Variants in PTPN4 observed in about 807,000 individuals in gnomAD.
The protein encoded by PTPN4 is tyrosine-protein phosphatase non-receptor type 4.
In PTPN4, 49 loss-of-function variants were observed where a neutral mutation model predicts 135.5. The ratio of observed to expected loss-of-function variants is 0.36; its 90% CI spans 0.29 to 0.46. The LOEUF is 0.46. Among genes scored for constraint, PTPN4 ranks in the 20% least tolerant of loss-of-function variants. The pLI is 1.00. For synonymous variants in PTPN4, 333 were observed against 369.9 expected (o/e 0.90, Z 1.14); for missense variants, 860 against 1,101.0 (o/e 0.78, Z 3.10).
In PTPN4 at chr2:119,889,425, G is replaced by GA. The variant is rs757993261; in HGVS notation, c.675+3552dup. 2.7e-3 allele frequency among the ~76,000 whole-genome samples: 400 copies of GA among 150,710 alleles called. 2 individuals carry two copies. Among genetic ancestry groups the GA allele is most frequent in the African/African-American group, 7.9e-3 (324 of 41,190 alleles). On this transcript the variant is annotated intron_variant, in intron 9 of 26. Coordinates refer to ENST00000263708, the MANE Select transcript of PTPN4 (RefSeq NM_002830.4). Reference sequence around the variant, plus strand: ...ACAGAGAGAGACTCTGTCTCAAAAAGAAAAAAAAAGTCTTGATGATCTTTC... The same window carrying GA: ...ACAGAGAGAGACTCTGTCTCAAAAAGAAAAAAAAAAGTCTTGATGATCTTTC...
chr2:119,960,711 T>G, intron 22 of PTPN4, 96 bp from the exon 23 acceptor site: 1 of 1,193,168 alleles, frequency 8.4e-7, no homozygotes, highest in South Asian at 1.7e-5. Context: ...TGAGGTTAGT[T>G]GTATTCACTA....
chr2:119,856,613 A>G (rs1677684948), intron 2 of PTPN4, among the ~76,000 whole-genome samples: 1 of 152,244 alleles, frequency 6.6e-6, no homozygotes, highest in Non-Finnish European at 1.5e-5. Context: ...CACTTAGGAC[A>G]GACCCAACAA....
intron 1 of PTPN4, among the ~76,000 whole-genome samples, chr2:119,775,037 T>G (rs555320275): frequency 2.3e-5 from 3 of 129,532 alleles, no homozygotes; most frequent in African/African-American, 8.8e-5. Flanking sequence ...AAGAAAATCA[T>G]TGAGGAGAAA....
intron 10 of PTPN4, among the ~76,000 whole-genome samples, chr2:119,913,268 G>A (rs1041867655): frequency 1.3e-5 from 2 of 152,040 alleles, no homozygotes; most frequent in Non-Finnish European, 2.9e-5. Flanking sequence ...GTTTTCAAAC[G>A]TGGCTGCATC....
chr2:119,820,901 C>T (rs1396230529), intron 2 of PTPN4, among the ~76,000 whole-genome samples: 1 of 150,344 alleles, frequency 6.7e-6, no homozygotes, highest in Admixed American at 6.6e-5. Context: ...GTATGTAAAG[C>T]TGGACTTGCA....
Position 119,887,950 on chromosome 2 carries a change from G to A in PTPN4, c.675+2068G>A, listed in dbSNP as rs554700587. Among the ~76,000 whole-genome samples, 187 of 152,256 alleles carry A rather than the reference G, an allele frequency of 1.2e-3. 1 individual carries two copies. Among genetic ancestry groups the A allele is most frequent in the Middle Eastern group, 6.8e-3 (2 of 294 alleles). ...ATAGGGATTGCACTGGATCTGTAGAGTGCTCTGGCAATATGGTCATTTTAA... is the reference window on the plus strand; with the variant it reads ...ATAGGGATTGCACTGGATCTGTAGAATGCTCTGGCAATATGGTCATTTTAA... On this transcript the variant is annotated intron_variant, in intron 9 of 26. Transcript: ENST00000263708.
chr2:119,847,315 C>CATATATAT (rs1307603803), intron 2 of PTPN4, among the ~76,000 whole-genome samples: 4 of 94,500 alleles, frequency 4.2e-5, no homozygotes, highest in African/African-American at 1.7e-4. Flanking sequence ...CACACACACA[C>CATATATAT]ATATATATAT....
chr2:119,862,683 T>C, intron 3 of PTPN4, 40 bp downstream of exon 3: 1 of 1,529,278 alleles, frequency 6.5e-7, no homozygotes. Context: ...ATTTAGTTTT[T>C]CCTCTCAGTT....
intron 2 of PTPN4, among the ~76,000 whole-genome samples, chr2:119,818,256 TA>T (rs973801131): frequency 7.9e-6 from 1 of 127,110 alleles, no homozygotes; most frequent in Non-Finnish European, 1.8e-5. Flanking sequence ...ACATCACCCC[TA>T]AATCTGTTTT....
chr2:119,797,661 T>A (rs1691286757), intron 1 of PTPN4, among the ~76,000 whole-genome samples: 1 of 152,228 alleles, frequency 6.6e-6, no homozygotes, highest in East Asian at 1.9e-4. Context: ...GTCATTTGTC[T>A]TCTATGGCCT....
At chr2:119,834,757 T>C (rs1420518680) in intron 2 of PTPN4, among the ~76,000 whole-genome samples, 1 of 152,166 alleles carries the variant, frequency 6.6e-6, no homozygotes, top group Non-Finnish European at 1.5e-5. Flanking sequence ...TACAAGTCTG[T>C]GTAATCTCCC....
intron 2 of PTPN4, among the ~76,000 whole-genome samples, chr2:119,858,404 T>C (rs1241289911): frequency 6.6e-6 from 1 of 152,096 alleles, no homozygotes; most frequent in Admixed American, 6.5e-5. Flanking sequence ...GGTAGATTTA[T>C]TTTGATTCAT....
intron 16 of PTPN4, 74 bp downstream of exon 16, chr2:119,945,314 T>C: frequency 2.2e-6 from 3 of 1,381,364 alleles, no homozygotes; most frequent in Admixed American, 2.7e-5. Context: ...TTTTGTACTT[T>C]GGCAGTTTTT....
At chr2:119,941,605 C>G (rs547068663) in intron 15 of PTPN4, among the ~76,000 whole-genome samples, 1 of 152,314 alleles carries the variant, frequency 6.6e-6, no homozygotes, top group African/African-American at 2.4e-5. Flanking sequence ...CTGTCTGCCA[C>G]TCTCTGAAAA....
In PTPN4 at chr2:119,873,355, A is replaced by G. The variant is rs982093785; in HGVS notation, c.247-3968A>G. On this transcript the variant is annotated intron_variant, in intron 3 of 26. Transcript: ENST00000263708. ...GAAAGAGAAAAGTGACTTGTCACAT[A>G]GAAGTGCACCTCAATGAAATAACCA... 1.7e-4 allele frequency among the ~76,000 whole-genome samples: 26 copies of G among 152,200 alleles called. 1 individual carries two copies. Among genetic ancestry groups the G allele is most frequent in the Admixed American group, 1.7e-3 (26 of 15,278 alleles).
intron 1 of PTPN4, among the ~76,000 whole-genome samples, chr2:119,772,479 A>G (rs1301226946): frequency 6.6e-6 from 1 of 152,248 alleles, no homozygotes; most frequent in Non-Finnish European, 1.5e-5. Context: ...AGGTGAGACT[A>G]CTTAGTCTCA....
intron 26 of PTPN4, 90 bp from the exon 27 acceptor site, chr2:119,976,894 G>A (rs1679625539): frequency 1.3e-6 from 2 of 1,517,278 alleles, no homozygotes; most frequent in African/African-American, 1.4e-5. Context: ...AAGTAAGCAA[G>A]CCAAGTGAGA....
At position 119,969,552 on chromosome 2, in the gene PTPN4, CTTTTTTT is replaced by C. The variant is rs35531556; in HGVS notation, c.2694+1598_2694+1604del. On this transcript the variant is annotated intron_variant, in intron 26 of 26. Transcript: ENST00000263708. The stretch of plus-strand genomic sequence containing the variant: ...AATTATCAAGAAATGTAATCAATTT[CTTTTTTT>C]TTTTTTTTTTTTTTTTTGAGACGGA... Among the ~76,000 whole-genome samples the C allele has an allele frequency of 3.4e-4, 39 of 113,890 alleles. No individual in the cohort carries two copies. The Middle Eastern group carries it at 0.023, about 66-fold the overall frequency. The allele number at this position is 113,890 out of a possible 152,430, so 74.7% of individuals were successfully genotyped here.
chr2:119,763,340 A>AT (rs1268113407), intron 1 of PTPN4, among the ~76,000 whole-genome samples: 1 of 152,148 alleles, frequency 6.6e-6, no homozygotes, highest in Non-Finnish European at 1.5e-5. Context: ...TTGTGTTTGT[A>AT]TTTTTTAACA....
Sources: gnomAD v4.1 joint callset for allele counts (sites outside exome capture counted in the v4.1 genomes callset) on GRCh38, gnomAD v4.1.1 for gene constraint, MANE v1.5 for transcripts, NCBI Gene and HGNC (gene_info 2026-07-23, HGNC 2026-07-21) for gene names.